LAMA2: variants seen among roughly 807,000 people sequenced by gnomAD.
LAMA2 encodes laminin subunit alpha 2, also known as laminin subunit alpha-2.
Under a neutral mutation model 364.8 loss-of-function variants are expected in LAMA2, and 269 were observed. The observed-to-expected ratio is 0.74, with a 90% CI of 0.67 to 0.82. The LOEUF (loss-of-function observed/expected upper bound fraction) is 0.82, where lower values mean the gene tolerates loss of function less well. Ranked by LOEUF, LAMA2 falls within the 40% of genes least tolerant of loss-of-function variation. LAMA2 has a pLI of 0.00. For synonymous variants in LAMA2, 1,379 were observed against 1,370.6 expected (o/e 1.01, Z -0.14); for missense variants, 3,807 against 3,873.2 (o/e 0.98, Z 0.45).
At chr6:129,037,102 G>A (rs557204312) in intron 1 of LAMA2, among the ~76,000 whole-genome samples, 1 of 152,264 alleles carries the variant, frequency 6.6e-6, no homozygotes, top group African/African-American at 2.4e-5. Flanking sequence ...TTAAATTGGT[G>A]TATTCTCTTT....
chr6:129,412,392 A>T (rs1227393495), intron 40 of LAMA2, among the ~76,000 whole-genome samples: 2 of 152,164 alleles, frequency 1.3e-5, no homozygotes, highest in African/African-American at 4.8e-5. Flanking sequence ...CATTCACAGC[A>T]ACATCTAGAC....
intron 19 of LAMA2, among the ~76,000 whole-genome samples, chr6:129,290,248 C>A (rs1328058238): frequency 6.6e-6 from 1 of 151,986 alleles, no homozygotes; most frequent in East Asian, 1.9e-4. Flanking sequence ...GTATGATATG[C>A]ATAAGAAACT....
chr6:128,984,253 G>A (rs778600978), intron 1 of LAMA2, among the ~76,000 whole-genome samples: 4 of 152,030 alleles, frequency 2.6e-5, no homozygotes, highest in Non-Finnish European at 2.9e-5. Context: ...AGAACTACTA[G>A]CAAAATCTCA....
intron 61 of LAMA2, among the ~76,000 whole-genome samples, chr6:129,505,887 A>G (rs1296308855): frequency 1.3e-5 from 2 of 152,090 alleles, no homozygotes; most frequent in African/African-American, 4.8e-5. Context: ...CGGAACACTG[A>G]GTGGGGAACC....
chr6:128,885,949 A>C (rs1776127537), intron 1 of LAMA2, among the ~76,000 whole-genome samples: 1 of 152,348 alleles, frequency 6.6e-6, no homozygotes, highest in Non-Finnish European at 1.5e-5. Context: ...GCAGTGTCTA[A>C]AATGTTTTCT....
chr6:129,349,334 C>T lies in LAMA2; in HGVS notation c.4473C>T (p.Asp1491=), dbSNP rs1433412551. The part of the protein sequence containing the change: ...SPSCVAEGLD[D]YRCTACPRGY... ...CTTGTGTCGCAGAAGGACTTGACGACTACCGCTGCACGGCTTGTCCACGGG... is the reference window on the plus strand; with the variant it reads ...CTTGTGTCGCAGAAGGACTTGACGATTACCGCTGCACGGCTTGTCCACGGG... The change falls in exon 31 of 65, where the codon GAC becomes GAT. Residue 1491 remains aspartate, a synonymous_variant. Transcript: ENST00000421865. 1 of 1,613,592 alleles carries T rather than the reference C, an allele frequency of 6.2e-7. No individual in the cohort carries two copies. The highest frequency in any genetic ancestry group is 1.7e-5 in the Admixed American group (1 of 59,980).
intron 9 of LAMA2, among the ~76,000 whole-genome samples, chr6:129,167,799 A>G (rs1274176312): frequency 4.7e-4 from 71 of 151,554 alleles, no homozygotes; most frequent in African/African-American, 1.6e-3. Context: ...AAGTGTTCCT[A>G]TTTCTCCACA....
intron 1 of LAMA2, among the ~76,000 whole-genome samples, chr6:129,044,174 GTA>G (rs564016729): frequency 2.8e-4 from 35 of 124,410 alleles, no homozygotes; most frequent in Admixed American, 3.7e-4. Flanking sequence ...TTTGCTGTGT[GTA>G]TATATATATA....
chr6:129,082,749 C>G (rs976858054), intron 3 of LAMA2, among the ~76,000 whole-genome samples: 5 of 152,038 alleles, frequency 3.3e-5, no homozygotes, highest in African/African-American at 1.2e-4. Context: ...CAACTTTATT[C>G]GTGAACTACA....
rs200075509 is a variant in LAMA2, at chr6:129,312,941, C to G, written c.3255C>G (p.Phe1085Leu). The G allele has an allele frequency of 1.9e-6, 3 of 1,614,058 alleles. No homozygotes were observed. In the Admixed American group the frequency reaches 5.0e-5, roughly 27 times the overall value. Residue 1085 changes from phenylalanine (F) to leucine (L), a missense_variant, in exon 23 of 65, where the codon TTC becomes TTG. By Grantham distance (22) the Phe-to-Leu change is conservative. This residue lies in a region of LAMA2 where 3,333 missense variants were observed against 3,345.7 expected (regional missense o/e 1.00). Coordinates refer to ENST00000421865, the MANE Select transcript of LAMA2 (RefSeq NM_000426.4). The part of the protein sequence containing the change: ...NTGQCNCHPK[F>L]SGAKCTECSR... Reference sequence around the variant, plus strand: ...GCCAATGCAACTGTCATCCAAAATTCTCTGGTGCAAAATGTACAGAGTGCA... The same window carrying G: ...GCCAATGCAACTGTCATCCAAAATTGTCTGGTGCAAAATGTACAGAGTGCA...
At chr6:129,320,470 AT>A (rs1774897032) in intron 27 of LAMA2, 67 bp from the exon 28 acceptor site, 2 of 910,580 alleles carry the variant, frequency 2.2e-6, no homozygotes, top group African/African-American at 3.2e-5. Context: ...TTGCTGTAGG[AT>A]TGATTGTTTA....
intron 12 of LAMA2, among the ~76,000 whole-genome samples, chr6:129,241,109 T>C (rs192840063): frequency 6.6e-6 from 1 of 152,338 alleles, no homozygotes; most frequent in Non-Finnish European, 1.5e-5. Flanking sequence ...ATTTTAATGA[T>C]GGCAGGGTAT....
intron 4 of LAMA2, among the ~76,000 whole-genome samples, chr6:129,135,391 G>A (rs753808333): frequency 2.0e-5 from 3 of 152,142 alleles, no homozygotes; most frequent in Non-Finnish European, 2.9e-5. Flanking sequence ...TTCCTCTGTG[G>A]GTAGTGATGG....
chr6:129,033,682 AC>A (rs1026778140), intron 1 of LAMA2, among the ~76,000 whole-genome samples: 4 of 152,210 alleles, frequency 2.6e-5, no homozygotes, highest in African/African-American at 9.6e-5. Flanking sequence ...TTGAGTTTAC[AC>A]ACTAACCTGC....
intron 22 of LAMA2, among the ~76,000 whole-genome samples, chr6:129,312,272 A>T (rs1279938583): frequency 1.3e-5 from 2 of 152,178 alleles, no homozygotes; most frequent in African/African-American, 4.8e-5. Flanking sequence ...GAGACCTCAA[A>T]TCAGAATTGT....
chr6:129,117,484 G>A (rs555596258), intron 4 of LAMA2, among the ~76,000 whole-genome samples: 2 of 152,270 alleles, frequency 1.3e-5, no homozygotes, highest in South Asian at 4.1e-4. Context: ...TGTCAGATGT[G>A]CAGGCAAATT....
chr6:129,282,703 T>C (rs1413349114), intron 18 of LAMA2, among the ~76,000 whole-genome samples: 2 of 152,160 alleles, frequency 1.3e-5, no homozygotes, highest in Non-Finnish European at 2.9e-5. Flanking sequence ...ACTACTTTCA[T>C]TCCATTCTTA....
intron 29 of LAMA2, among the ~76,000 whole-genome samples, chr6:129,340,374 T>C (rs975527278): frequency 2.0e-5 from 3 of 151,568 alleles, no homozygotes; most frequent in Admixed American, 2.0e-4. Flanking sequence ...GGAATAAAGA[T>C]GGTGGAGAAA....
intron 55 of LAMA2, among the ~76,000 whole-genome samples, chr6:129,485,708 C>T (rs1393997662): frequency 1.3e-5 from 2 of 152,108 alleles, no homozygotes; most frequent in African/African-American, 2.4e-5. Context: ...GTGGTGGACA[C>T]GTAACTACAT....
Sources: gnomAD v4.1 joint callset for allele counts (sites outside exome capture counted in the v4.1 genomes callset) on GRCh38, gnomAD v4.1.1 for gene constraint, gnomAD v4.1.1 regional missense constraint, MANE v1.5 for transcripts, NCBI Gene and HGNC (gene_info 2026-07-23, HGNC 2026-07-21) for gene names.